SNX1: variants seen among roughly 807,000 people sequenced by gnomAD.
SNX1 encodes the protein sorting nexin 1, also known as sorting nexin-1.
SNX1 carries 36 observed loss-of-function variants against 71.8 expected under a neutral mutation model. That is an observed-to-expected ratio of 0.50 (90% CI 0.38 to 0.66). SNX1 has a LOEUF of 0.66. Ranked by LOEUF, SNX1 falls within the 30% of genes least tolerant of loss-of-function variation. The pLI is 0.00. For synonymous variants in SNX1, 254 were observed against 240.7 expected (o/e 1.06, Z -0.51); for missense variants, 612 against 646.7 (o/e 0.95, Z 0.58).
At position 64,134,534 on chromosome 15, in the gene SNX1, A is replaced by G; in HGVS notation, c.1222-130A>G. ...CATTAAACTTCCCAGCTGGGCACTA[A>G]CATGTGGCTGCAGAACCTGCCCTTG... is the stretch of plus-strand genomic sequence containing the variant. On this transcript the variant is annotated intron_variant, in intron 11 of 14. Coordinates refer to ENST00000559844, the MANE Select transcript of SNX1 (RefSeq NM_003099.5). This position sits in a 1 kb window ranked among gnomAD's most constrained non-coding sequence, Gnocchi z 4.1. 9.2e-7 allele frequency: 1 copy of G among 1,087,570 alleles called. No individual in the cohort carries two copies. The highest frequency in any genetic ancestry group is 1.3e-6 in the Non-Finnish European group (1 of 770,822). 67.4% of individuals were successfully genotyped at this position (1,087,570 alleles called of 1,614,324 possible).
intron 6 of SNX1, among the ~76,000 whole-genome samples, chr15:64,126,546 T>TTTTG (rs750854923): frequency 1.3e-5 from 2 of 151,966 alleles, no homozygotes; most frequent in Admixed American, 6.6e-5. Context: ...AACCTCTTCA[T>TTTTG]TTTGTTTGTT....
intron 2 of SNX1, among the ~76,000 whole-genome samples, chr15:64,115,307 T>G (rs1260617969): frequency 6.6e-6 from 1 of 152,222 alleles, no homozygotes. Context: ...ATCTCTAGAA[T>G]GGAAAGTCTA....
chr15:64,136,789 G>T lies in SNX1; in HGVS notation c.1447-72G>T, dbSNP rs529013026. The T allele has an allele frequency of 3.5e-6, 4 of 1,144,092 alleles. No homozygotes were observed. The East Asian group carries it at 9.4e-5, about 27-fold the overall frequency. 70.9% of individuals were successfully genotyped at this position (1,144,092 alleles called of 1,614,324 possible). A position where few individuals can be genotyped will look rare whatever the true frequency, so the allele number is the denominator to read the frequency against. On this transcript the variant is annotated intron_variant, in intron 13 of 14. Transcript: ENST00000559844. The stretch of plus-strand genomic sequence containing the variant: ...CTGAGACTGTGTTTGGCCTTGGTCA[G>T]CAATAAACACCACCATCCCATCGAA...
chr15:64,126,170 A>C lies in SNX1; in HGVS notation c.602A>C (p.His201Pro). Residue 201 changes from histidine (H) to proline (P), a missense_variant, in exon 6 of 15, where the codon CAC becomes CCC. Coordinates refer to ENST00000559844, the MANE Select transcript of SNX1 (RefSeq NM_003099.5). ...CTTTATGAGAAGCTTTCCGAGAAGC[A>C]CTCTCAGAATGGCTTCATTGTCCCT... Reference protein sequence around the residue: ...LGLYEKLSEKHSQNGFIVPPP... With the variant: ...LGLYEKLSEKPSQNGFIVPPP... 6.2e-7 allele frequency: 1 copy of C among 1,613,962 alleles called. No homozygotes were observed.
Position 64,140,326 on chromosome 15 carries a change from T to C in SNX1, c.*2708T>C, listed in dbSNP as rs1490868509. ...TGTTTATCAATATGGATGCAGGGAT[T>C]CCTGTTTTACTCAGAGTTGCAAGCC... On this transcript the variant is annotated 3_prime_UTR_variant, in exon 15 of 15. Coordinates refer to ENST00000559844, the MANE Select transcript of SNX1 (RefSeq NM_003099.5). 6.6e-6 allele frequency: 1 copy of C among 152,250 alleles called. No homozygotes were observed. The highest frequency in any genetic ancestry group is 1.5e-5 in the Non-Finnish European group (1 of 68,040). 9.4% of individuals were successfully genotyped at this position (152,250 alleles called of 1,614,324 possible).
intron 3 of SNX1, 68 bp downstream of exon 3, chr15:64,118,312 G>A (rs1184675917): frequency 6.0e-6 from 9 of 1,491,130 alleles, no homozygotes; most frequent in Non-Finnish European, 6.3e-6. Flanking sequence ...AGTCTGAAGT[G>A]TAGTTGAGTA....
Position 64,136,414 on chromosome 15 carries a change from A to C in SNX1, c.1446+4A>C, listed in dbSNP as rs1400271394. On this transcript the variant is annotated splice_donor_region_variant and intron_variant, in intron 13 of 14. Transcript: ENST00000559844. ...AAAAGAAGTGATACGGTTTGAGGTG[A>C]GATAGAAAATCCTACTTCTCACTTA... 6.2e-7 allele frequency: 1 copy of C among 1,612,574 alleles called. No homozygotes were observed. Among genetic ancestry groups the C allele is most frequent in the Admixed American group, 1.7e-5 (1 of 60,004 alleles).
Position 64,129,059 on chromosome 15 carries a change from C to A in SNX1, c.808-857C>A, listed in dbSNP as rs747991847. ...GTCAGGAGTTCGAGACCAGCCTGGC[C>A]AACATGGCAAAATCCTGTCTCTACT... On this transcript the variant is annotated intron_variant, in intron 8 of 14. Coordinates refer to ENST00000559844, the MANE Select transcript of SNX1 (RefSeq NM_003099.5). This position sits in a 1 kb window ranked among gnomAD's most constrained non-coding sequence, Gnocchi z 4.4. Among the ~76,000 whole-genome samples the A allele has an allele frequency of 6.6e-6, 1 of 152,098 alleles. No homozygotes were observed. Among genetic ancestry groups the A allele is most frequent in the Non-Finnish European group, 1.5e-5 (1 of 68,020 alleles).
At chr15:64,132,041 A>G (rs1189487544) in intron 11 of SNX1, 149 bp downstream of exon 11, 10 of 749,584 alleles carry the variant, frequency 1.3e-5, no homozygotes, top group Non-Finnish European at 2.2e-5. Context: ...CCTGTAAACC[A>G]AGCAATCTAT....
intron 8 of SNX1, 35 bp downstream of exon 8, chr15:64,127,841 A>G: frequency 1.9e-6 from 3 of 1,539,054 alleles, no homozygotes; most frequent in Non-Finnish European, 2.7e-6. Flanking sequence ...TTCATAATTT[A>G]TATCTGCCCC....
intron 1 of SNX1, among the ~76,000 whole-genome samples, chr15:64,101,010 A>C (rs930936993): frequency 2.0e-5 from 3 of 152,162 alleles, no homozygotes; most frequent in African/African-American, 7.2e-5. Context: ...TGTGTTGCCC[A>C]GACTGGTCTC....
rs1312836943 is a variant in SNX1, at chr15:64,127,216, C to A, written c.695C>A (p.Ala232Glu). Residue 232 changes from alanine (A) to glutamate (E), a missense_variant, in exon 7 of 15, where the codon GCA becomes GAA. This residue lies in a region of SNX1 where 316 missense variants were observed against 284.9 expected (regional missense o/e 1.11). Coordinates refer to ENST00000559844, the MANE Select transcript of SNX1 (RefSeq NM_003099.5). ...GTTGGGAAGGAAGATTCTTCTTCTG[C>A]AGAATTTCTTGAAAAACGGAGGGCC... ...VKVGKEDSSSAEFLEKRRAAL... is the reference protein window; with the variant it reads ...VKVGKEDSSSEEFLEKRRAAL... The A allele has an allele frequency of 1.2e-6, 2 of 1,613,558 alleles. No homozygotes were observed. Among genetic ancestry groups the A allele is most frequent in the African/African-American group, 1.3e-5 (1 of 74,866 alleles).
At chr15:64,119,940 A>G (rs118129862) in intron 4 of SNX1, among the ~76,000 whole-genome samples, 6,837 of 152,206 alleles carry the variant, frequency 0.045, 273 homozygotes, top group Admixed American at 0.13. Context: ...TGAGGTGGGG[A>G]AGTCTATCTG....
chr15:64,107,180 A>G (rs2081031263), intron 1 of SNX1, among the ~76,000 whole-genome samples: 1 of 152,194 alleles, frequency 6.6e-6, no homozygotes, highest in African/African-American at 2.4e-5. Context: ...TATGAAATAT[A>G]CTAATTTTCC....
intron 2 of SNX1, among the ~76,000 whole-genome samples, chr15:64,113,663 T>C (rs2140140972): frequency 6.6e-6 from 1 of 152,078 alleles, no homozygotes; most frequent in South Asian, 2.1e-4. Context: ...CTACTAAAAA[T>C]ATAAAAAATT....
chr15:64,101,464 T>TA (rs2080960840), intron 1 of SNX1, among the ~76,000 whole-genome samples: 1 of 152,276 alleles, frequency 6.6e-6, no homozygotes, highest in Non-Finnish European at 1.5e-5. Context: ...TAAGGCTGAA[T>TA]AATATTGCAT....
intron 11 of SNX1, among the ~76,000 whole-genome samples, chr15:64,132,538 G>C (rs1325673405): frequency 6.6e-6 from 1 of 152,204 alleles, no homozygotes; most frequent in Non-Finnish European, 1.5e-5. Context: ...AGCACTCCTA[G>C]TGATTAAGGT....
Position 64,131,692 on chromosome 15 carries a change from G to A in SNX1, c.1021G>A (p.Ala341Thr). The change falls in exon 11 of 15, where the codon GCG (alanine) becomes ACG (threonine). Residue 341 changes from alanine to threonine, a missense_variant. Physicochemically the swap from Ala to Thr is moderately conservative, Grantham distance 58. Transcript: ENST00000559844. The stretch of plus-strand genomic sequence containing the variant: ...CTGTCTTTTCCTCCTTCCAGAGCTA[G>A]CGCTGAACACAGCCCAGTTTGCAAA... ...ETLVNHRKEL[A>T]LNTAQFAKSL... 3 of 1,613,970 alleles carry A rather than the reference G, an allele frequency of 1.9e-6. No individual in the cohort carries two copies. Among genetic ancestry groups the A allele is most frequent in the Non-Finnish European group, 2.5e-6 (3 of 1,180,028 alleles).
chr15:64,127,387 T>C (rs2081264856), intron 7 of SNX1, 135 bp downstream of exon 7: 1 of 693,230 alleles, frequency 1.4e-6, no homozygotes, highest in Non-Finnish European at 2.4e-6. Flanking sequence ...CTCCATATTA[T>C]CTCTTAACTT....
Sources: gnomAD v4.1 joint callset for allele counts (sites outside exome capture counted in the v4.1 genomes callset) on GRCh38, gnomAD v4.1.1 for gene constraint, gnomAD v4.1.1 regional missense constraint, Gnocchi (gnomAD v3.1) non-coding constraint, MANE v1.5 for transcripts, NCBI Gene and HGNC (gene_info 2026-07-23, HGNC 2026-07-21) for gene names.